Variants in FGGY observed in about 807,000 individuals in gnomAD.
FGGY encodes the protein FGGY carbohydrate kinase domain-containing protein.
In FGGY, 72 loss-of-function variants were observed where a neutral mutation model predicts 71.3. The ratio of observed to expected loss-of-function variants is 1.01; its 90% CI spans 0.84 to 1.23. The LOEUF (loss-of-function observed/expected upper bound fraction) is 1.23, where lower values mean the gene tolerates loss of function less well. Ranked by LOEUF, FGGY falls within the 50% of genes most tolerant of loss-of-function variation. The pLI, the probability that FGGY is intolerant of heterozygous loss-of-function variation, is 0.00. For synonymous variants in FGGY, 251 were observed against 250.3 expected (o/e 1.00, Z -0.02); for missense variants, 668 against 682.3 (o/e 0.98, Z 0.23).
At chr1:59,718,076 C>A (rs938214434) in intron 14 of FGGY, among the ~76,000 whole-genome samples, 2 of 152,152 alleles carry the variant, frequency 1.3e-5, no homozygotes, top group Non-Finnish European at 2.9e-5. Context: ...GTCACATTAC[C>A]TCTCAGGAGA....
At chr1:59,388,129 A>G (rs1326489547) in intron 5 of FGGY, among the ~76,000 whole-genome samples, 1 of 151,992 alleles carries the variant, frequency 6.6e-6, no homozygotes, top group East Asian at 1.9e-4. Flanking sequence ...ATGTTCAGGT[A>G]TGTGTACATA....
chr1:59,307,462 A>G lies in FGGY; in HGVS notation c.-15+10312A>G, dbSNP rs1174605400. Among the ~76,000 whole-genome samples, 3 of 152,334 alleles carry G rather than the reference A, an allele frequency of 2.0e-5. No homozygotes were observed. The South Asian group carries it at 6.2e-4, about 32-fold the overall frequency. ...GATCTTTAAAAAATTGTCATGTGAC[A>G]TAGTAGAAAGAACATAGGATTGAAA... is the stretch of plus-strand genomic sequence containing the variant. On this transcript the variant is annotated intron_variant, in intron 1 of 15. Coordinates refer to ENST00000303721, the MANE Select transcript of FGGY (RefSeq NM_018291.5).
intron 5 of FGGY, among the ~76,000 whole-genome samples, chr1:59,380,546 GTGA>G (rs894042428): frequency 3.3e-5 from 5 of 151,804 alleles, no homozygotes; most frequent in Middle Eastern, 3.4e-3. Flanking sequence ...CTGATGGCCA[GTGA>G]TGATGAGCAT....
Position 59,656,598 on chromosome 1 carries a change from GAGAGATAAATAT to G in FGGY, c.1222-3620_1222-3609del, listed in dbSNP as rs2097220624. On this transcript the variant is annotated intron_variant, in intron 11 of 15. Coordinates refer to ENST00000303721, the MANE Select transcript of FGGY (RefSeq NM_018291.5). ...CTCAGACCACAGTGTCTTTGCACTTGAGAGATAAATATCTTTCACTAAGTCACATTTCAATAC... is the reference window on the plus strand; with the variant it reads ...CTCAGACCACAGTGTCTTTGCACTTGCTTTCACTAAGTCACATTTCAATAC... 5.9e-5 allele frequency among the ~76,000 whole-genome samples: 9 copies of G among 152,346 alleles called. 1 individual carries two copies. The South Asian group carries it at 1.5e-3, about 25-fold the overall frequency.
At chr1:59,405,260 T>C (rs10493262) in intron 5 of FGGY, among the ~76,000 whole-genome samples, 3,387 of 152,282 alleles carry the variant, frequency 0.022, 107 homozygotes, top group African/African-American at 0.078. Flanking sequence ...TAAAAGTTGC[T>C]TGTTAATGGC....
intron 13 of FGGY, among the ~76,000 whole-genome samples, chr1:59,670,414 G>A (rs1381317179): frequency 1.3e-5 from 2 of 152,356 alleles, no homozygotes; most frequent in East Asian, 3.9e-4. Flanking sequence ...AGAAATGCAT[G>A]TGAAAAACAC....
chr1:59,744,991 T>C (rs936423837), intron 14 of FGGY, among the ~76,000 whole-genome samples: 21 of 152,210 alleles, frequency 1.4e-4, no homozygotes, highest in African/African-American at 4.8e-4. Context: ...GTGATTTGCT[T>C]TGGACCTGCA....
At chr1:59,489,979 T>C (rs927956156) in intron 6 of FGGY, among the ~76,000 whole-genome samples, 3 of 152,200 alleles carry the variant, frequency 2.0e-5, no homozygotes, top group African/African-American at 7.2e-5. Context: ...ATATTGAACA[T>C]TTTTTCATAT....
chr1:59,573,458 A>G (rs180846015), intron 8 of FGGY, among the ~76,000 whole-genome samples: 194 of 152,144 alleles, frequency 1.3e-3, no homozygotes, highest in African/African-American at 4.5e-3. Flanking sequence ...GTGTGTATAT[A>G]TATGTTCATA....
chr1:59,404,740 A>G (rs2153413599), intron 5 of FGGY, among the ~76,000 whole-genome samples: 1 of 152,268 alleles, frequency 6.6e-6, no homozygotes, highest in South Asian at 2.1e-4. Context: ...CTGGTAAGGT[A>G]GGCTTGATTG....
intron 6 of FGGY, among the ~76,000 whole-genome samples, chr1:59,501,539 G>A (rs2094222957): frequency 6.6e-6 from 1 of 152,160 alleles, no homozygotes; most frequent in South Asian, 2.1e-4. Context: ...TAGAAGTGGG[G>A]TAACTCTCCA....
chr1:59,674,016 A>C, intron 13 of FGGY, 23 bp from the exon 14 acceptor site: 2 of 1,608,326 alleles, frequency 1.2e-6, no homozygotes, highest in Non-Finnish European at 1.7e-6. Context: ...TCCCTAACCA[A>C]GGTGTGGCCT....
intron 5 of FGGY, among the ~76,000 whole-genome samples, chr1:59,424,597 A>G (rs941353706): frequency 4.6e-5 from 7 of 152,066 alleles, no homozygotes; most frequent in African/African-American, 1.7e-4. Context: ...CCAAGAAAAT[A>G]TGCAATTTAG....
intron 4 of FGGY, among the ~76,000 whole-genome samples, chr1:59,347,119 A>G (rs1400960459): frequency 2.8e-5 from 4 of 144,910 alleles, no homozygotes; most frequent in Admixed American, 6.9e-5. Context: ...ATTATACTTT[A>G]AGTTTTAGGG....
intron 7 of FGGY, among the ~76,000 whole-genome samples, chr1:59,552,985 G>C (rs77602766): frequency 6.6e-6 from 1 of 152,168 alleles, no homozygotes; most frequent in South Asian, 2.1e-4. Flanking sequence ...GAAGTCCATT[G>C]CATGAGACTA....
intron 5 of FGGY, among the ~76,000 whole-genome samples, chr1:59,443,593 C>T (rs745943081): frequency 1.3e-5 from 2 of 152,134 alleles, no homozygotes; most frequent in Non-Finnish European, 2.9e-5. Context: ...GTCAGGAATG[C>T]CATTAAGACT....
At chr1:59,360,200 G>A (rs569532485) in intron 4 of FGGY, among the ~76,000 whole-genome samples, 47 of 151,722 alleles carry the variant, frequency 3.1e-4, no homozygotes, top group African/African-American at 1.1e-3. Flanking sequence ...ACTATCACCA[G>A]TCCCTGTTCT....
intron 7 of FGGY, among the ~76,000 whole-genome samples, chr1:59,532,391 G>A (rs2095170582): frequency 6.6e-6 from 1 of 152,160 alleles, no homozygotes; most frequent in Admixed American, 6.5e-5. Flanking sequence ...TCTAACAGAG[G>A]TGTAGTTGGA....
chr1:59,363,120 A>G (rs1310802856), intron 4 of FGGY, among the ~76,000 whole-genome samples: 2 of 152,224 alleles, frequency 1.3e-5, no homozygotes, highest in Non-Finnish European at 2.9e-5. Flanking sequence ...GGAGTGTACA[A>G]GAATGGGCAC....
Sources: gnomAD v4.1 joint callset for allele counts (sites outside exome capture counted in the v4.1 genomes callset) on GRCh38, gnomAD v4.1.1 for gene constraint, MANE v1.5 for transcripts, NCBI Gene and HGNC (gene_info 2026-07-23, HGNC 2026-07-21) for gene names.